ZFAND3: variants seen among roughly 807,000 people sequenced by gnomAD.
ZFAND3 encodes the protein zinc finger AN1-type containing 3, also known as AN1-type zinc finger protein 3.
Under a neutral mutation model 29.6 loss-of-function variants are expected in ZFAND3, and 10 were observed. That is an observed-to-expected ratio of 0.34 (90% CI 0.21 to 0.57). The LOEUF is 0.57. ZFAND3 is among the 20% of genes least tolerant of loss of function. The pLI is 0.86. For synonymous variants in ZFAND3, 128 were observed against 112.6 expected (o/e 1.14, Z -0.87); for missense variants, 230 against 304.5 (o/e 0.76, Z 1.82).
intron 2 of ZFAND3, among the ~76,000 whole-genome samples, chr6:37,937,417 A>G (rs7747538): frequency 0.87 from 132,179 of 152,074 alleles, 58,282 homozygotes; most frequent in East Asian, 0.96. Flanking sequence ...AACACTTTGG[A>G]AGGCTGAGGT....
chr6:38,039,261 A>C (rs186445043), intron 2 of ZFAND3, among the ~76,000 whole-genome samples: 4 of 152,348 alleles, frequency 2.6e-5, no homozygotes, highest in Non-Finnish European at 4.4e-5. Flanking sequence ...TTATTTGGAA[A>C]GAATGAGATG....
Position 37,883,997 on chromosome 6 carries a change from T to C in ZFAND3, c.72-45962T>C, listed in dbSNP as rs1296112269. On this transcript the variant is annotated intron_variant, in intron 1 of 5. Coordinates refer to ENST00000287218, the MANE Select transcript of ZFAND3 (RefSeq NM_021943.3). ...GAGAAAACTTGGATGACCAAGAGCT[T>C]TACAAGGGCCCTAGAGCTCCTGGGT... Among the ~76,000 whole-genome samples the C allele has an allele frequency of 1.4e-5, 2 of 145,142 alleles. 1 individual carries two copies. The highest frequency in any genetic ancestry group is 5.6e-5 in the African/African-American group (2 of 35,886).
At chr6:37,941,713 G>A (rs534823206) in intron 2 of ZFAND3, among the ~76,000 whole-genome samples, 7 of 152,278 alleles carry the variant, frequency 4.6e-5, no homozygotes, top group African/African-American at 1.7e-4. Context: ...CAGTGTGAAA[G>A]CAAAGATGAA....
intron 1 of ZFAND3, among the ~76,000 whole-genome samples, chr6:37,852,650 G>A (rs923614864): frequency 1.0e-4 from 15 of 150,702 alleles, no homozygotes; most frequent in Non-Finnish European, 2.2e-4. Flanking sequence ...TTAGCATTTT[G>A]TGTTAATTTA....
intron 2 of ZFAND3, among the ~76,000 whole-genome samples, chr6:37,997,791 A>G (rs17648426): frequency 0.062 from 9,478 of 152,320 alleles, 390 homozygotes; most frequent in Non-Finnish European, 0.094. Flanking sequence ...AGTAGAATTC[A>G]TAGGTCCGTC....
intron 2 of ZFAND3, among the ~76,000 whole-genome samples, chr6:37,952,295 TTGTC>T (rs1025600139): frequency 7.9e-5 from 12 of 152,136 alleles, no homozygotes; most frequent in African/African-American, 2.9e-4. Flanking sequence ...TATCCCTTAT[TTGTC>T]TGGTAGAATT....
At chr6:37,882,579 G>T (rs903049019) in intron 1 of ZFAND3, among the ~76,000 whole-genome samples, 1 of 152,106 alleles carries the variant, frequency 6.6e-6, no homozygotes, top group Non-Finnish European at 1.5e-5. Flanking sequence ...ATTGGGAAAT[G>T]CCAACCTCAC....
chr6:37,971,338 C>T (rs1458035500), intron 2 of ZFAND3, among the ~76,000 whole-genome samples: 1 of 152,004 alleles, frequency 6.6e-6, no homozygotes. Flanking sequence ...CGAATGAGTC[C>T]TAGGTTGGCC....
chr6:38,127,372 A>G (rs531795481), intron 5 of ZFAND3, among the ~76,000 whole-genome samples: 80 of 152,340 alleles, frequency 5.3e-4, no homozygotes, highest in Non-Finnish European at 9.6e-4. Context: ...TGTTCTAAAG[A>G]GTTTTGCCAT....
intron 2 of ZFAND3, among the ~76,000 whole-genome samples, chr6:37,951,224 T>G (rs1351845219): frequency 6.6e-6 from 1 of 152,212 alleles, no homozygotes; most frequent in African/African-American, 2.4e-5. Flanking sequence ...CTGTTGATTT[T>G]GTATCCTGGA....
intron 1 of ZFAND3, among the ~76,000 whole-genome samples, chr6:37,869,787 T>C (rs1214526067): frequency 1.3e-5 from 2 of 151,882 alleles, no homozygotes; most frequent in Non-Finnish European, 2.9e-5. Context: ...GCTGGTATTA[T>C]AGATGTGAGC....
chr6:37,932,380 G>A (rs1006619827), intron 2 of ZFAND3, among the ~76,000 whole-genome samples: 2 of 152,306 alleles, frequency 1.3e-5, no homozygotes, highest in Admixed American at 6.5e-5. Flanking sequence ...TAGTGAAGAC[G>A]AAAGTAGCAG....
intron 4 of ZFAND3, among the ~76,000 whole-genome samples, chr6:38,091,557 G>A (rs115607081): frequency 1.4e-3 from 190 of 137,948 alleles, no homozygotes; most frequent in Non-Finnish European, 2.3e-3. Flanking sequence ...TAGCATGTGT[G>A]TGCCTGTTAG....
chr6:37,840,967 A>G lies in ZFAND3; in HGVS notation c.71+20951A>G, dbSNP rs60141491. Among the ~76,000 whole-genome samples, 2,588 of 152,310 alleles carry G rather than the reference A, an allele frequency of 0.017. 253 individuals carry two copies. In the East Asian group the frequency reaches 0.28, roughly 16 times the overall value. On this transcript the variant is annotated intron_variant, in intron 1 of 5. Coordinates refer to ENST00000287218, the MANE Select transcript of ZFAND3 (RefSeq NM_021943.3). ...CCAATTTATTAAAATTTTTTAGAAT[A>G]TGCTTTGTAACCATAATGCTTGAAT...
intron 2 of ZFAND3, among the ~76,000 whole-genome samples, chr6:38,059,771 G>C (rs982123120): frequency 6.6e-6 from 1 of 152,086 alleles, no homozygotes; most frequent in African/African-American, 2.4e-5. Flanking sequence ...CAGCTACTCG[G>C]GGGCTGAGGC....
At chr6:37,924,762 A>C (rs554526463) in intron 1 of ZFAND3, among the ~76,000 whole-genome samples, 1 of 151,966 alleles carries the variant, frequency 6.6e-6, no homozygotes, top group Non-Finnish European at 1.5e-5. Flanking sequence ...TCAAGGCTGC[A>C]GTGAGCTATG....
intron 2 of ZFAND3, among the ~76,000 whole-genome samples, chr6:38,023,720 A>G (rs1196759614): frequency 1.3e-5 from 2 of 152,242 alleles, no homozygotes; most frequent in Non-Finnish European, 1.5e-5. Flanking sequence ...AAAATCCAGA[A>G]CAATTCAAGA....
intron 2 of ZFAND3, among the ~76,000 whole-genome samples, chr6:37,951,847 TA>T (rs1762004980): frequency 6.6e-6 from 1 of 152,186 alleles, no homozygotes; most frequent in African/African-American, 2.4e-5. Flanking sequence ...AGATGGCTAT[TA>T]TTTTGAGGTA....
chr6:37,870,601 A>AAG (rs1764677702), intron 1 of ZFAND3, among the ~76,000 whole-genome samples: 1 of 35,070 alleles, frequency 2.9e-5, no homozygotes, highest in Admixed American at 2.2e-4. Context: ...TCTGTCTCAG[A>AAG]AAAAAAAAAA....
Sources: gnomAD v4.1 joint callset for allele counts (sites outside exome capture counted in the v4.1 genomes callset) on GRCh38, gnomAD v4.1.1 for gene constraint, MANE v1.5 for transcripts, NCBI Gene and HGNC (gene_info 2026-07-23, HGNC 2026-07-21) for gene names.